The following IL1RAPL2 variants were observed in gnomAD, a reference collection of about 807,000 sequenced individuals.
The protein encoded by IL1RAPL2 is interleukin 1 receptor accessory protein like 2.
Under a neutral mutation model 44.1 loss-of-function variants are expected in IL1RAPL2, and 3 were observed. That is an observed-to-expected ratio of 0.07 (90% CI 0.03 to 0.18). The LOEUF (loss-of-function observed/expected upper bound fraction) is 0.18. IL1RAPL2 is among the 10% of genes least tolerant of loss of function. The pLI, the probability that IL1RAPL2 is intolerant of heterozygous loss-of-function variation, is 1.00. For missense variants in IL1RAPL2, 391 were observed against 496.4 expected (o/e 0.79, Z 2.02); for synonymous variants, 181 against 178.8 (o/e 1.01, Z -0.10).
intron 6 of IL1RAPL2, among the ~76,000 whole-genome samples, chrX:105,583,166 G>A (rs1168287577): frequency 2.9e-5 from 3 of 103,320 alleles, no homozygotes; most frequent in Non-Finnish European, 5.9e-5. Context: ...ACGGAGTGTC[G>A]CTCTGTCGCC....
chrX:105,409,890 G>T (rs1207818064), intron 5 of IL1RAPL2, among the ~76,000 whole-genome samples: 1 of 75,207 alleles, frequency 1.3e-5, no homozygotes, highest in Admixed American at 1.5e-4. Flanking sequence ...TGGGGGGGGG[G>T]TTGGAAAACA....
At position 105,307,622 on chromosome X, in the gene IL1RAPL2, C is replaced by A. The variant is rs5962276; in HGVS notation, c.697+40081C>A. Among the ~76,000 whole-genome samples, 104 of 34,657 alleles carry A rather than the reference C, an allele frequency of 3.0e-3. 15 individuals carry two copies. The African/African-American group carries it at 0.041, about 14-fold the overall frequency. The allele number at this position is 34,657 out of a possible 115,157, so 30.1% of individuals were successfully genotyped here. On this transcript the variant is annotated intron_variant, in intron 5 of 10. Coordinates refer to ENST00000372582, the MANE Select transcript of IL1RAPL2 (RefSeq NM_017416.2). ...ATATATTATATATAATATATATTTT[C>A]TATTATATATATTATATATAATATA...
intron 5 of IL1RAPL2, among the ~76,000 whole-genome samples, chrX:105,366,017 G>A (rs910489339): frequency 2.7e-5 from 3 of 109,580 alleles, no homozygotes; most frequent in Non-Finnish European, 5.7e-5. Context: ...GCACAGTCTC[G>A]CCTCACTGCA....
chrX:105,513,801 T>C (rs187855034), intron 6 of IL1RAPL2, among the ~76,000 whole-genome samples: 2 of 109,421 alleles, frequency 1.8e-5, no homozygotes, highest in Non-Finnish European at 3.8e-5. Flanking sequence ...ATTTTGGCTT[T>C]TGTTGTCATT....
At chrX:105,328,851 G>T (rs925464891) in intron 5 of IL1RAPL2, among the ~76,000 whole-genome samples, 1 of 112,211 alleles carries the variant, frequency 8.9e-6, no homozygotes, top group Non-Finnish European at 1.9e-5. Context: ...TAGCCTAGGA[G>T]TAGTAATAGG....
chrX:105,584,304 G>T (rs1296829745), intron 6 of IL1RAPL2, among the ~76,000 whole-genome samples: 1 of 111,383 alleles, frequency 9.0e-6, no homozygotes, highest in Non-Finnish European at 1.9e-5. Flanking sequence ...ATGAAGGTTA[G>T]ACTTGTTATG....
At chrX:104,907,458 C>A (rs1314491968) in intron 2 of IL1RAPL2, among the ~76,000 whole-genome samples, 1 of 110,511 alleles carries the variant, frequency 9.0e-6, no homozygotes, top group East Asian at 2.9e-4. Flanking sequence ...AAATTTCCCT[C>A]TACACACTGC....
At chrX:104,636,595 G>T (rs753487971) in intron 1 of IL1RAPL2, among the ~76,000 whole-genome samples, 1 of 111,720 alleles carries the variant, frequency 9.0e-6, no homozygotes, top group African/African-American at 3.3e-5. Context: ...TTTCAGACTG[G>T]TGTTCTAGCA....
At chrX:104,873,201 GAA>G (rs1447439791) in intron 2 of IL1RAPL2, among the ~76,000 whole-genome samples, 1 of 111,101 alleles carries the variant, frequency 9.0e-6, no homozygotes, top group African/African-American at 3.3e-5. Flanking sequence ...CTGGGTTGCA[GAA>G]AAGTGCAAGA....
chrX:104,636,577 C>A (rs1426641252), intron 1 of IL1RAPL2, among the ~76,000 whole-genome samples: 2 of 111,899 alleles, frequency 1.8e-5, no homozygotes, highest in Non-Finnish European at 3.8e-5. Flanking sequence ...TGCCACCTTG[C>A]AGTTTGATTT....
At chrX:105,764,590 C>A (rs2038714432) in intron 10 of IL1RAPL2, among the ~76,000 whole-genome samples, 1 of 111,252 alleles carries the variant, frequency 9.0e-6, no homozygotes, top group Non-Finnish European at 1.9e-5. Flanking sequence ...TGTTTAAGGC[C>A]AGGAGTTTGA....
intron 6 of IL1RAPL2, among the ~76,000 whole-genome samples, chrX:105,664,358 C>A (rs1275006309): frequency 8.9e-6 from 1 of 111,871 alleles, no homozygotes; most frequent in Non-Finnish European, 1.9e-5. Context: ...TAGGCGAATT[C>A]TACTCTTTTG....
intron 3 of IL1RAPL2, among the ~76,000 whole-genome samples, chrX:105,208,589 G>T (rs1354545949): frequency 9.0e-6 from 1 of 111,029 alleles, no homozygotes; most frequent in East Asian, 2.8e-4. Flanking sequence ...AGTGAGAGGG[G>T]TAATGTATAT....
chrX:104,723,955 C>T (rs1042858259), intron 2 of IL1RAPL2, among the ~76,000 whole-genome samples: 1 of 110,664 alleles, frequency 9.0e-6, no homozygotes, highest in African/African-American at 3.3e-5. Flanking sequence ...AACAGTTCAC[C>T]CTGATGAAAG....
At chrX:104,781,841 C>T (rs1578841) in intron 2 of IL1RAPL2, among the ~76,000 whole-genome samples, 5,947 of 111,379 alleles carry the variant, frequency 0.053, 418 homozygotes, top group African/African-American at 0.19. Context: ...GGTTTTCCCC[C>T]GAAATTCACA....
chrX:104,807,590 A>G (rs182983169), intron 2 of IL1RAPL2, among the ~76,000 whole-genome samples: 5 of 111,451 alleles, frequency 4.5e-5, no homozygotes, highest in Admixed American at 2.9e-4. Context: ...TCCATGTTCT[A>G]TTTTCCACAA....
At chrX:105,138,764 T>G (rs1188099552) in intron 2 of IL1RAPL2, among the ~76,000 whole-genome samples, 1 of 111,355 alleles carries the variant, frequency 9.0e-6, no homozygotes, top group Non-Finnish European at 1.9e-5. Flanking sequence ...TTCTTGACTT[T>G]GTAACTTGCA....
At chrX:104,917,188 C>A (rs1924476301) in intron 2 of IL1RAPL2, among the ~76,000 whole-genome samples, 1 of 111,356 alleles carries the variant, frequency 9.0e-6, no homozygotes, top group Admixed American at 9.6e-5. Flanking sequence ...GGCTGTGAAT[C>A]CATCTGGTCC....
At position 104,787,924 on chromosome X, in the gene IL1RAPL2, T is replaced by C. The variant is rs998504681; in HGVS notation, c.82+128929T>C. Among the ~76,000 whole-genome samples, 4 of 111,550 alleles carry C rather than the reference T, an allele frequency of 3.6e-5. No homozygotes were observed. In the Admixed American group the frequency reaches 3.8e-4, roughly 11 times the overall value. On this transcript the variant is annotated intron_variant, in intron 2 of 10. Coordinates refer to ENST00000372582, the MANE Select transcript of IL1RAPL2 (RefSeq NM_017416.2). Reference sequence around the variant, plus strand: ...ACAAGGATGTTAGAAGTTTGATTCATGTGGGTTTTAAAGCCATGAAAGATT... The same window carrying C: ...ACAAGGATGTTAGAAGTTTGATTCACGTGGGTTTTAAAGCCATGAAAGATT...
Sources: allele counts gnomAD v4.1 joint callset (sites outside exome capture counted in the v4.1 genomes callset), GRCh38; gene constraint gnomAD v4.1.1; transcripts MANE v1.5; gene names NCBI Gene and HGNC (gene_info 2026-07-23, HGNC 2026-07-21).